PNMA8B: variants seen among roughly 807,000 people sequenced by gnomAD.
PNMA8B encodes PNMA family member 8B, also known as paraneoplastic antigen-like protein 8B.
For synonymous variants in PNMA8B, 386 were observed against 394.9 expected (o/e 0.98, Z 0.27); for missense variants, 887 against 885.8 (o/e 1.00, Z -0.02).
rs1271556189 is a variant in PNMA8B at position 46,495,708 on chromosome 19, G to C, written c.-243C>G. ...CAGAGCTGTCTGAGGATCCGCGGGG[G>C]GCTTACGTGTCTGCTTTCCAGGACA... On this transcript the variant is annotated 5_prime_UTR_variant, in exon 1 of 1. Transcript: ENST00000599531. 2 of 532,662 alleles carry C rather than the reference G, an allele frequency of 3.8e-6. No homozygotes were observed. Among genetic ancestry groups the C allele is most frequent in the Non-Finnish European group, 6.9e-6 (2 of 290,704 alleles). 33.0% of individuals were successfully genotyped at this position (532,662 alleles called of 1,614,324 possible).
At position 46,493,603 on chromosome 19, in the gene PNMA8B, C is replaced by G. The variant is rs1395185577; in HGVS notation, c.1863G>C (p.Gly621=). Residue 621 remains glycine, a synonymous_variant, in exon 1 of 1, where the codon GGG becomes GGC. Coordinates refer to ENST00000599531, the MANE Select transcript of PNMA8B (RefSeq NM_020709.3). The surrounding 1 kb of genome is among the most constrained non-coding windows in gnomAD (Gnocchi z 5.3). ...GCCTCCGGCCCCGACGGGCCTTCTT[C>G]CCGCGCGCGGCCTTGGATCCAGTGG... ...QAPTGSKAAR[G]KKARRGRRLP... is the part of the protein sequence containing the mutation. 1.3e-6 allele frequency: 2 copies of G among 1,491,790 alleles called. No individual in the cohort carries two copies. The highest frequency in any genetic ancestry group is 2.3e-5 in the Admixed American group (1 of 43,018). The allele number at this position is 1,491,790 out of a possible 1,614,324, so 92.4% of individuals were successfully genotyped here. A position where few individuals can be genotyped will look rare whatever the true frequency, so the allele number is the denominator to read the frequency against.
chr19:46,495,573 G>A lies in PNMA8B; in HGVS notation c.-108C>T. 1.4e-6 allele frequency: 2 copies of A among 1,406,364 alleles called. No individual in the cohort carries two copies. The highest frequency in any genetic ancestry group is 1.9e-6 in the Non-Finnish European group (2 of 1,058,062). 87.1% of individuals were successfully genotyped at this position (1,406,364 alleles called of 1,614,324 possible). On this transcript the variant is annotated 5_prime_UTR_variant, in exon 1 of 1. Coordinates refer to ENST00000599531, the MANE Select transcript of PNMA8B (RefSeq NM_020709.3). The stretch of plus-strand genomic sequence containing the variant: ...CCTAGAAAGCCACTTGCAGGGCTTA[G>A]AGTCCCGGTTCCGGTGAATGTGGCA...
Position 46,493,870 on chromosome 19 carries a change from C to A in PNMA8B, c.1596G>T (p.Lys532Asn), listed in dbSNP as rs1970046212. The change falls in exon 1 of 1, where the codon AAG (lysine) becomes AAT (asparagine). Residue 532 changes from lysine to asparagine, a missense_variant. Lys to Asn is a moderately conservative substitution (Grantham distance 94). Transcript: ENST00000599531. This position sits in a 1 kb window ranked among gnomAD's most constrained non-coding sequence, Gnocchi z 5.3. Reference sequence around the variant, plus strand: ...CCGTGCGCGCCCTCTTGGCCCGGGGCTTCCTGGATGCCCTGTCCTCCGGCT... The same window carrying A: ...CCGTGCGCGCCCTCTTGGCCCGGGGATTCCTGGATGCCCTGTCCTCCGGCT... ...ASEPEDRASR[K>N]PRAKRARTAP... 1.3e-6 allele frequency: 2 copies of A among 1,527,080 alleles called. No homozygotes were observed. Among genetic ancestry groups the A allele is most frequent in the South Asian group, 1.3e-5 (1 of 79,196 alleles). The allele number at this position is 1,527,080 out of a possible 1,614,324, so 94.6% of individuals were successfully genotyped here. A position where few individuals can be genotyped will look rare whatever the true frequency, so the allele number is the denominator to read the frequency against.
rs770703921 is a variant in PNMA8B, at chr19:46,494,276, A to C, written c.1190T>G (p.Val397Gly). The C allele has an allele frequency of 6.2e-7, 1 of 1,609,900 alleles. No individual in the cohort carries two copies. The highest frequency in any genetic ancestry group is 8.5e-7 in the Non-Finnish European group (1 of 1,179,302). Residue 397 changes from valine to glycine, a missense_variant, in exon 1 of 1, where the codon GTG becomes GGG. Coordinates refer to ENST00000599531, the MANE Select transcript of PNMA8B (RefSeq NM_020709.3). Reference protein sequence around the residue: ...RVKVEEAGREVDAVVLRKAGD... With the variant: ...RVKVEEAGREGDAVVLRKAGD... ...GGCCTTGCGCAGGACCACGGCGTCC[A>C]CCTCGCGGCCCGCCTCTTCCACCTT...
Position 46,492,355 on chromosome 19 carries a change from G to C in PNMA8B, c.*1203C>G, listed in dbSNP as rs1970016075. On this transcript the variant is annotated 3_prime_UTR_variant, in exon 1 of 1. Transcript: ENST00000599531. Reference sequence around the variant, plus strand: ...TGCAGGAGCTGAAGCATACGGCACGGCACGGCACAGACTCACATACAACTC... The same window carrying C: ...TGCAGGAGCTGAAGCATACGGCACGCCACGGCACAGACTCACATACAACTC... 7.4e-6 allele frequency: 2 copies of C among 269,814 alleles called. No homozygotes were observed. The highest frequency in any genetic ancestry group is 6.0e-5 in the South Asian group (2 of 33,078). 16.7% of individuals were successfully genotyped at this position (269,814 alleles called of 1,614,324 possible). A position where few individuals can be genotyped will look rare whatever the true frequency, so the allele number is the denominator to read the frequency against.
In PNMA8B at chr19:46,493,984, C is replaced by T; in HGVS notation, c.1482G>A (p.Arg494=). Residue 494 remains arginine (R), a synonymous_variant, in exon 1 of 1, where the codon CGG becomes CGA. Transcript: ENST00000599531. The surrounding 1 kb of genome is among the most constrained non-coding windows in gnomAD (Gnocchi z 5.3). The part of the protein sequence containing the change: ...LGEVLALLAA[R]ENMGSNEGSE... ...ACCCCTCGTTGGACCCCATGTTCTC[C>T]CGGGCGGCCAGGAGCGCCAATACCT... 1.2e-6 allele frequency: 2 copies of T among 1,613,748 alleles called. No individual in the cohort carries two copies. Among genetic ancestry groups the T allele is most frequent in the Non-Finnish European group, 1.7e-6 (2 of 1,179,868 alleles).
Position 46,493,724 on chromosome 19 carries a change from C to G in PNMA8B, c.1742G>C (p.Gly581Ala). 1 of 1,499,444 alleles carries G rather than the reference C, an allele frequency of 6.7e-7. No homozygotes were observed. Among genetic ancestry groups the G allele is most frequent in the Non-Finnish European group, 8.8e-7 (1 of 1,132,152 alleles). 92.9% of individuals were successfully genotyped at this position (1,499,444 alleles called of 1,614,324 possible). A position where few individuals can be genotyped will look rare whatever the true frequency, so the allele number is the denominator to read the frequency against. ...TCCTGCGGCGTCGTCCTGGGCCGAG[C>G]CCCGGCTCCCGGCTTTCTTCTCGGG... ...VTPEKKAGSR[G>A]SAQDDAAGSR... Residue 581 changes from glycine (G) to alanine (A), a missense_variant, in exon 1 of 1, where the codon GGC becomes GCC. Gly to Ala is a moderately conservative substitution (Grantham distance 60, BLOSUM62 0). Coordinates refer to ENST00000599531, the MANE Select transcript of PNMA8B (RefSeq NM_020709.3). The surrounding 1 kb of genome is among the most constrained non-coding windows in gnomAD (Gnocchi z 5.3).
In PNMA8B at chr19:46,495,167, G is replaced by C. The variant is rs1298779563; in HGVS notation, c.299C>G (p.Thr100Arg). ...RVLWKDRAQD[T>R]RVLRQMRRLL... ...GCGTCTCATCTGCCTCAGGACCCTC[G>C]TGTCCTGCGCACGGTCCTTCCACAG... is the stretch of plus-strand genomic sequence containing the variant. The change falls in exon 1 of 1, where the codon ACG becomes AGG. Residue 100 changes from threonine to arginine, a missense_variant. By Grantham distance (71) the Thr-to-Arg change is moderately conservative (BLOSUM62 -1). Coordinates refer to ENST00000599531, the MANE Select transcript of PNMA8B (RefSeq NM_020709.3). The C allele has an allele frequency of 6.2e-7, 1 of 1,613,954 alleles. No individual in the cohort carries two copies. Among genetic ancestry groups the C allele is most frequent in the South Asian group, 1.1e-5 (1 of 91,088 alleles).
Position 46,493,906 on chromosome 19 carries a change from G to A in PNMA8B, c.1560C>T (p.Ser520=), listed in dbSNP as rs773291456. 4 of 1,570,398 alleles carry A rather than the reference G, an allele frequency of 2.5e-6. No individual in the cohort carries two copies. Among genetic ancestry groups the A allele is most frequent in the South Asian group, 1.1e-5 (1 of 88,336 alleles). ...QSEEESEDTE[S]EASEPEDRAS... ...CCCTGTCCTCCGGCTCCGACGCCTC[G>A]CTCTCGGTGTCCTCCGACTCCTCCT... Residue 520 remains serine (S), a synonymous_variant, in exon 1 of 1, where the codon AGC becomes AGT. Coordinates refer to ENST00000599531, the MANE Select transcript of PNMA8B (RefSeq NM_020709.3). This position sits in a 1 kb window ranked among gnomAD's most constrained non-coding sequence, Gnocchi z 5.3.
Position 46,495,095 on chromosome 19 carries a change from G to A in PNMA8B, c.371C>T (p.Pro124Leu), listed in dbSNP as rs1448994817. 6.2e-7 allele frequency: 1 copy of A among 1,613,128 alleles called. No homozygotes were observed. Among genetic ancestry groups the A allele is most frequent in the Admixed American group, 1.7e-5 (1 of 60,008 alleles). ...GPTQAAEAGT[P>L]GEAPTPPASE... Reference sequence around the variant, plus strand: ...AGCGGGAGGGGTGGGTGCCTCCCCGGGGGTCCCAGCCTCCGCGGCCTGCGT... The same window carrying A: ...AGCGGGAGGGGTGGGTGCCTCCCCGAGGGTCCCAGCCTCCGCGGCCTGCGT... The change falls in exon 1 of 1, where the codon CCC (proline) becomes CTC (leucine). Residue 124 changes from proline to leucine, a missense_variant. Pro to Leu is a moderately conservative substitution (Grantham distance 98). Coordinates refer to ENST00000599531, the MANE Select transcript of PNMA8B (RefSeq NM_020709.3).
chr19:46,493,389 A>C lies in PNMA8B; in HGVS notation c.*169T>G. 1.2e-5 allele frequency: 5 copies of C among 415,620 alleles called. No homozygotes were observed. Among genetic ancestry groups the C allele is most frequent in the Non-Finnish European group, 2.0e-5 (5 of 246,724 alleles). 25.7% of individuals were successfully genotyped at this position (415,620 alleles called of 1,614,324 possible). On this transcript the variant is annotated 3_prime_UTR_variant, in exon 1 of 1. Coordinates refer to ENST00000599531, the MANE Select transcript of PNMA8B (RefSeq NM_020709.3). This position sits in a 1 kb window ranked among gnomAD's most constrained non-coding sequence, Gnocchi z 5.3. Reference sequence around the variant, plus strand: ...GGATCGCTGGCGCCCCCGGCCTGCGAGGGCCCGAGAGGGGAACGTGACGCT... The same window carrying C: ...GGATCGCTGGCGCCCCCGGCCTGCGCGGGCCCGAGAGGGGAACGTGACGCT...
chr19:46,494,367 C>CT lies in PNMA8B; in HGVS notation c.1098dup (p.Asp367ArgfsTer18). The CT allele has an allele frequency of 6.2e-7, 1 of 1,613,348 alleles. No individual in the cohort carries two copies. Among genetic ancestry groups the CT allele is most frequent in the East Asian group, 2.2e-5 (1 of 44,876 alleles). On this transcript the variant is annotated frameshift_variant, in exon 1 of 1. Coordinates refer to ENST00000599531, the MANE Select transcript of PNMA8B (RefSeq NM_020709.3). LOFTEE classifies it low-confidence loss of function (END_TRUNC). ...ACCTGTCGGAGGGGGTCTCGCTTGT[C>CT]TTTCTCGTCGCTCCAGCCCAGCGAC... is the stretch of plus-strand genomic sequence containing the variant.
rs764101265 is a variant in PNMA8B, at chr19:46,493,721, G to A, written c.1745C>T (p.Ser582Leu). ...TPEKKAGSRG[S>L]AQDDAAGSRK... ...GCTTCCTGCGGCGTCGTCCTGGGCC[G>A]AGCCCCGGCTCCCGGCTTTCTTCTC... Residue 582 changes from serine to leucine, a missense_variant, in exon 1 of 1, where the codon TCG becomes TTG. Coordinates refer to ENST00000599531, the MANE Select transcript of PNMA8B (RefSeq NM_020709.3). The surrounding 1 kb of genome is among the most constrained non-coding windows in gnomAD (Gnocchi z 5.3). The A allele has an allele frequency of 5.5e-5, 82 of 1,502,428 alleles. 1 individual carries two copies. In the South Asian group the frequency reaches 7.7e-4, roughly 14 times the overall value. The allele number at this position is 1,502,428 out of a possible 1,614,324, so 93.1% of individuals were successfully genotyped here.
rs749375279 is a variant in PNMA8B at position 46,494,041 on chromosome 19, C to A, written c.1425G>T (p.Gly475=). ...KEEKENAWEG[G]KYKYPKGKLG... is the part of the protein sequence containing the mutation. ...GTTTGCCTTTGGGGTATTTGTACTT[C>A]CCGCCTTCCCAGGCGTTTTCTTTTT... The change falls in exon 1 of 1, where the codon GGG becomes GGT. Residue 475 remains glycine (G), a synonymous_variant. Coordinates refer to ENST00000599531, the MANE Select transcript of PNMA8B (RefSeq NM_020709.3). 2 of 1,613,658 alleles carry A rather than the reference C, an allele frequency of 1.2e-6. No individual in the cohort carries two copies. The highest frequency in any genetic ancestry group is 1.7e-6 in the Non-Finnish European group (2 of 1,179,854).
Position 46,494,168 on chromosome 19 carries a change from C to T in PNMA8B, c.1298G>A (p.Gly433Asp). The change falls in exon 1 of 1, where the codon GGC (glycine) becomes GAC (aspartate). Residue 433 changes from glycine (G) to aspartate (D), a missense_variant. Coordinates refer to ENST00000599531, the MANE Select transcript of PNMA8B (RefSeq NM_020709.3). ...GTGCTCGCTCCAGCCCCCGAAGAGG[C>T]CACGCCCAGCCTTCTTCGCCTGGGG... is the stretch of plus-strand genomic sequence containing the variant. The part of the protein sequence containing the change: ...LPPQAKKAGR[G>D]LFGGWSEHRE... 6.2e-7 allele frequency: 1 copy of T among 1,610,226 alleles called. No individual in the cohort carries two copies. Among genetic ancestry groups the T allele is most frequent in the Non-Finnish European group, 8.5e-7 (1 of 1,179,842 alleles).
rs768954121 is a variant in PNMA8B at position 46,495,406 on chromosome 19, G to A, written c.60C>T (p.Ala20=). The A allele has an allele frequency of 7.0e-7, 1 of 1,433,412 alleles. No individual in the cohort carries two copies. 88.8% of individuals were successfully genotyped at this position (1,433,412 alleles called of 1,614,324 possible). A position where few individuals can be genotyped will look rare whatever the true frequency, so the allele number is the denominator to read the frequency against. The part of the protein sequence containing the change: ...CRSLDVDAHR[A]LLVTGIPEGL... ...CCTCCGGGATGCCGGTGACCAGCAG[G>A]GCCCTGTGCGCGTCCACGTCCAGGC... Residue 20 remains alanine, a synonymous_variant, in exon 1 of 1, where the codon GCC becomes GCT. Transcript: ENST00000599531.
chr19:46,493,574 G>A lies in PNMA8B; in HGVS notation c.1892C>T (p.Pro631Leu). ...GGGGGGCCACTAGCGGCATTTAGGGGGCAGCCTCCGGCCCCGACGGGCCTT... is the reference window on the plus strand; with the variant it reads ...GGGGGGCCACTAGCGGCATTTAGGGAGCAGCCTCCGGCCCCGACGGGCCTT... Reference protein sequence around the residue: ...GKKARRGRRLPPKCR With the variant: ...GKKARRGRRLLPKCR The change falls in exon 1 of 1, where the codon CCC becomes CTC. Residue 631 changes from proline (P) to leucine (L), a missense_variant. By Grantham distance (98) the Pro-to-Leu change is moderately conservative (BLOSUM62 -3). Coordinates refer to ENST00000599531, the MANE Select transcript of PNMA8B (RefSeq NM_020709.3). This position sits in a 1 kb window ranked among gnomAD's most constrained non-coding sequence, Gnocchi z 5.3. 1.4e-6 allele frequency: 2 copies of A among 1,444,358 alleles called. No homozygotes were observed. Among genetic ancestry groups the A allele is most frequent in the South Asian group, 1.5e-5 (1 of 68,904 alleles). 89.5% of individuals were successfully genotyped at this position (1,444,358 alleles called of 1,614,324 possible).
Position 46,492,262 on chromosome 19 carries a change from G to A in PNMA8B, c.*1296C>T, listed in dbSNP as rs61742103. 1 of 334,048 alleles carries A rather than the reference G, an allele frequency of 3.0e-6. No individual in the cohort carries two copies. The highest frequency in any genetic ancestry group is 3.5e-5 in the Admixed American group (1 of 28,650). The allele number at this position is 334,048 out of a possible 1,614,324, so 20.7% of individuals were successfully genotyped here. A position where few individuals can be genotyped will look rare whatever the true frequency, so the allele number is the denominator to read the frequency against. ...AGCACACACATTGCCCCAGGGACAA[G>A]AAGGCATGAATGAAGGTGGGGTCCC... On this transcript the variant is annotated 3_prime_UTR_variant, in exon 1 of 1. Coordinates refer to ENST00000599531, the MANE Select transcript of PNMA8B (RefSeq NM_020709.3).
rs1970040443 is a variant in PNMA8B, at chr19:46,493,670, G to A, written c.1796C>T (p.Ala599Val). 1.3e-6 allele frequency: 2 copies of A among 1,532,520 alleles called. No individual in the cohort carries two copies. Among genetic ancestry groups the A allele is most frequent in the East Asian group, 2.6e-5 (1 of 39,092 alleles). 94.9% of individuals were successfully genotyped at this position (1,532,520 alleles called of 1,614,324 possible). The change falls in exon 1 of 1, where the codon GCC (alanine) becomes GTC (valine). Residue 599 changes from alanine (A) to valine (V), a missense_variant. Coordinates refer to ENST00000599531, the MANE Select transcript of PNMA8B (RefSeq NM_020709.3). This position sits in a 1 kb window ranked among gnomAD's most constrained non-coding sequence, Gnocchi z 5.3. ...CTCGCCTGCCCTGGCATGGGCCCCG[G>A]CGCCCGCGCTCCCCTTCTTCTTCCT... ...GSRKKKGSAG[A>V]GAHARAGEAK...
Sources: allele counts gnomAD v4.1 joint callset, GRCh38; gene constraint gnomAD v4.1.1; non-coding constraint Gnocchi (gnomAD v3.1); transcripts MANE v1.5; gene names NCBI Gene and HGNC (gene_info 2026-07-23, HGNC 2026-07-21).